Variants in PLCB4 observed in about 807,000 individuals in gnomAD.
PLCB4 encodes 1-phosphatidylinositol 4,5-bisphosphate phosphodiesterase beta-4.
PLCB4 carries 77 observed loss-of-function variants against 178.8 expected under a neutral mutation model. That is an observed-to-expected ratio of 0.43 (90% CI 0.36 to 0.52). The LOEUF (loss-of-function observed/expected upper bound fraction) is 0.52, where lower values mean the gene tolerates loss of function less well. Among genes scored for constraint, PLCB4 ranks in the 20% least tolerant of loss-of-function variants. The pLI, the probability that PLCB4 is intolerant of heterozygous loss-of-function variation, is 0.00. For synonymous variants in PLCB4, 496 were observed against 490.8 expected (o/e 1.01, Z -0.14); for missense variants, 1,024 against 1,453.4 (o/e 0.70, Z 4.80).
At chr20:9,423,668 G>A in intron 27 of PLCB4, 80 bp from the exon 28 acceptor site, 1 of 1,041,318 alleles carries the variant, frequency 9.6e-7, no homozygotes, top group Non-Finnish European at 1.5e-6. Flanking sequence ...GAACAGCATG[G>A]ATTTGGTCCA....
intron 7 of PLCB4, among the ~76,000 whole-genome samples, chr20:9,341,408 A>G (rs1015806392): frequency 2.6e-5 from 4 of 152,202 alleles, no homozygotes; most frequent in East Asian, 1.9e-4. Context: ...TTTGTATGGT[A>G]TATGTATTAC....
intron 3 of PLCB4, among the ~76,000 whole-genome samples, chr20:9,240,291 G>A (rs987456850): frequency 6.6e-6 from 1 of 152,068 alleles, no homozygotes; most frequent in Non-Finnish European, 1.5e-5. Flanking sequence ...TTTTTTTTAT[G>A]ACCATGCTTC....
chr20:9,199,883 T>G (rs1296923234), intron 2 of PLCB4, among the ~76,000 whole-genome samples: 1 of 146,620 alleles, frequency 6.8e-6, no homozygotes, highest in Non-Finnish European at 1.5e-5. Flanking sequence ...CTTCATCTAT[T>G]TACATTTCAG....
At chr20:9,096,723 T>G (rs1294628554) in intron 2 of PLCB4, among the ~76,000 whole-genome samples, 1 of 152,188 alleles carries the variant, frequency 6.6e-6, no homozygotes. Context: ...AAATGGTCTG[T>G]GGCCAGTAAA....
intron 1 of PLCB4, among the ~76,000 whole-genome samples, chr20:9,083,261 G>A (rs1195358147): frequency 6.6e-6 from 1 of 152,008 alleles, no homozygotes; most frequent in African/African-American, 2.4e-5. Flanking sequence ...GAAGGGTTAT[G>A]GTGCAGGGAA....
intron 20 of PLCB4, 66 bp downstream of exon 20, chr20:9,401,656 T>C (rs2148467938): frequency 2.9e-6 from 3 of 1,048,436 alleles, no homozygotes; most frequent in East Asian, 2.5e-5. Flanking sequence ...ATTTTGGAAA[T>C]GTGAGAACCA....
At chr20:9,239,378 T>C (rs1029603770) in intron 3 of PLCB4, among the ~76,000 whole-genome samples, 12 of 152,238 alleles carry the variant, frequency 7.9e-5, no homozygotes, top group African/African-American at 2.9e-4. Context: ...GGATATATCC[T>C]GTAGGGGAGA....
At chr20:9,231,904 T>C (rs561801283) in intron 3 of PLCB4, among the ~76,000 whole-genome samples, 49 of 152,216 alleles carry the variant, frequency 3.2e-4, no homozygotes, top group African/African-American at 1.1e-3. Context: ...CAACCAATTA[T>C]CCGCCAACAG....
At chr20:9,218,009 T>G (rs2093752388) in intron 3 of PLCB4, among the ~76,000 whole-genome samples, 1 of 152,248 alleles carries the variant, frequency 6.6e-6, no homozygotes, top group African/African-American at 2.4e-5. Flanking sequence ...CTGATTTGTT[T>G]TATTTATAAA....
At chr20:9,293,461 C>T (rs545413912) in intron 3 of PLCB4, among the ~76,000 whole-genome samples, 1 of 146,354 alleles carries the variant, frequency 6.8e-6, no homozygotes, top group South Asian at 2.2e-4. Context: ...CAGAGAGAGA[C>T]TCTGTCAGAA....
At chr20:9,169,378 A>G (rs1458728453) in intron 2 of PLCB4, among the ~76,000 whole-genome samples, 1 of 151,472 alleles carries the variant, frequency 6.6e-6, no homozygotes, top group Non-Finnish European at 1.5e-5. Flanking sequence ...ACTTGAGGTC[A>G]GGAGTTTGAG....
chr20:9,192,030 T>C (rs1026548548), intron 2 of PLCB4, among the ~76,000 whole-genome samples: 8 of 152,198 alleles, frequency 5.3e-5, no homozygotes, highest in Admixed American at 5.2e-4. Context: ...GAATGGATTT[T>C]CTTGAAATAG....
chr20:9,217,848 CACAACTGTGT>C (rs1347549297), intron 3 of PLCB4, among the ~76,000 whole-genome samples: 1 of 152,136 alleles, frequency 6.6e-6, no homozygotes, highest in Admixed American at 6.5e-5. Context: ...TGTGAAAAAT[CACAACTGTGT>C]ACATTATCAG....
intron 2 of PLCB4, among the ~76,000 whole-genome samples, chr20:9,153,712 C>T (rs1022088527): frequency 3.3e-5 from 5 of 152,124 alleles, no homozygotes; most frequent in Admixed American, 6.5e-5. Context: ...GGCCCAGGTA[C>T]GTTTTCATTC....
chr20:9,337,202 G>T lies in PLCB4; in HGVS notation c.161G>T (p.Gly54Val). 1.2e-6 allele frequency: 2 copies of T among 1,608,988 alleles called. No individual in the cohort carries two copies. The highest frequency in any genetic ancestry group is 2.2e-5 in the East Asian group (1 of 44,820). ...TTCTTTCTGACATGGAGAAGTGAAG[G>T]CAAGGTATGGCCCAAGAAGAGCAAG... ...FGFFLTWRSE[G>V]KEGQVLECSL... The change falls in exon 5 of 40, where the codon GGC (glycine) becomes GTC (valine). Residue 54 changes from glycine (G) to valine (V), a missense_variant. Gly to Val is a moderately radical substitution (Grantham distance 109). Around this residue, in one of 7 missense-constraint regions of PLCB4, gnomAD observed 225 missense variants for 291.0 expected, o/e 0.77. Transcript: ENST00000378473.
At chr20:9,369,069 C>T (rs1231198734) in intron 9 of PLCB4, among the ~76,000 whole-genome samples, 1 of 152,182 alleles carries the variant, frequency 6.6e-6, no homozygotes, top group African/African-American at 2.4e-5. Context: ...AGACATTCTT[C>T]TACTTTCTAT....
chr20:9,112,222 C>T (rs140424476), intron 2 of PLCB4, among the ~76,000 whole-genome samples: 3 of 149,870 alleles, frequency 2.0e-5, no homozygotes, highest in African/African-American at 4.9e-5. Context: ...TGTTTAGATA[C>T]GTTTTGGAGA....
chr20:9,367,181 T>G (rs1427771568), intron 9 of PLCB4, among the ~76,000 whole-genome samples: 3 of 152,238 alleles, frequency 2.0e-5, no homozygotes, highest in African/African-American at 7.2e-5. Flanking sequence ...TCTTGTATAT[T>G]AAACAATCAC....
chr20:9,100,152 C>T (rs1476246938), intron 2 of PLCB4, among the ~76,000 whole-genome samples: 2 of 152,124 alleles, frequency 1.3e-5, no homozygotes, highest in African/African-American at 4.8e-5. Context: ...GAATTCTGCC[C>T]ATCACTGGTG....
Sources: gnomAD v4.1 joint callset for allele counts (sites outside exome capture counted in the v4.1 genomes callset) on GRCh38, gnomAD v4.1.1 for gene constraint, gnomAD v4.1.1 regional missense constraint, MANE v1.5 for transcripts, NCBI Gene and HGNC (gene_info 2026-07-23, HGNC 2026-07-21) for gene names.